The following UNC5D variants were observed in gnomAD, a reference collection of about 807,000 sequenced individuals.
UNC5D encodes the protein unc-5 netrin receptor D.
A neutral mutation model predicts 105.4 loss-of-function variants in UNC5D; 39 were observed. The observed-to-expected ratio is 0.37, with a 90% CI of 0.29 to 0.48. UNC5D has a LOEUF of 0.48. Ranked by LOEUF, UNC5D falls within the 20% of genes least tolerant of loss-of-function variation. The pLI, the probability that UNC5D is intolerant of heterozygous loss-of-function variation, is 0.98. For missense variants in UNC5D, 991 were observed against 1,202.4 expected (o/e 0.82, Z 2.60); for synonymous variants, 452 against 450.4 (o/e 1.00, Z -0.04).
chr8:35,333,562 C>A (rs1810796625), intron 1 of UNC5D, among the ~76,000 whole-genome samples: 1 of 152,116 alleles, frequency 6.6e-6, no homozygotes, highest in African/African-American at 2.4e-5. Flanking sequence ...TCACTGCAAC[C>A]TCCGCCTCCT....
At chr8:35,332,428 C>G (rs538931869) in intron 1 of UNC5D, among the ~76,000 whole-genome samples, 44 of 152,300 alleles carry the variant, frequency 2.9e-4, no homozygotes, top group Middle Eastern at 3.4e-3. Context: ...AAGCAAATAT[C>G]TTTTCCTTAT....
intron 1 of UNC5D, among the ~76,000 whole-genome samples, chr8:35,391,983 G>T (rs922527488): frequency 6.6e-6 from 1 of 152,118 alleles, no homozygotes; most frequent in African/African-American, 2.4e-5. Context: ...ATGGAGAAAT[G>T]GTATGTGTCC....
At chr8:35,619,538 C>A (rs574635031) in intron 4 of UNC5D, among the ~76,000 whole-genome samples, 1 of 152,224 alleles carries the variant, frequency 6.6e-6, no homozygotes, top group East Asian at 1.9e-4. Flanking sequence ...AGCCATTGAG[C>A]GACTTGCTTC....
rs1320502308 is a variant in UNC5D, at chr8:35,729,247, C to T, written c.1682-1765C>T. 9.9e-5 allele frequency among the ~76,000 whole-genome samples: 15 copies of T among 152,246 alleles called. No homozygotes were observed. In the East Asian group the frequency reaches 2.9e-3, roughly 29 times the overall value. ...CGCAGACAGCTCTTTCTCAATTGTC[C>T]TCACACATCTTTCTTCTGTTTTGCT... On this transcript the variant is annotated intron_variant, in intron 10 of 16. Coordinates refer to ENST00000404895, the MANE Select transcript of UNC5D (RefSeq NM_080872.4).
At chr8:35,421,789 G>T (rs1043955654) in intron 1 of UNC5D, among the ~76,000 whole-genome samples, 1 of 152,084 alleles carries the variant, frequency 6.6e-6, no homozygotes, top group Non-Finnish European at 1.5e-5. Context: ...TTCAGGTTTA[G>T]ATTACTCTTG....
chr8:35,636,682 G>A lies in UNC5D; in HGVS notation c.570+41025G>A, dbSNP rs567316595. On this transcript the variant is annotated intron_variant, in intron 4 of 16. Coordinates refer to ENST00000404895, the MANE Select transcript of UNC5D (RefSeq NM_080872.4). ...CATCACTCACAGAAAAGTGCTGGGG[G>A]ATGGGGTAGGGGAGACTCCCTCATC... is the stretch of plus-strand genomic sequence containing the variant. Among the ~76,000 whole-genome samples, 4 of 152,290 alleles carry A rather than the reference G, an allele frequency of 2.6e-5. No individual in the cohort carries two copies. In the East Asian group the frequency reaches 7.7e-4, roughly 29 times the overall value.
chr8:35,350,382 G>A (rs150939921), intron 1 of UNC5D, among the ~76,000 whole-genome samples: 14 of 152,110 alleles, frequency 9.2e-5, no homozygotes, highest in Non-Finnish European at 1.9e-4. Context: ...GTCTCCCTTA[G>A]CGTAGGTGTC....
At position 35,235,563 on chromosome 8, in the gene UNC5D, G is replaced by T; in HGVS notation, c.-222G>T. ...CTCCGGCATCCGCGCTGGCGGCAGC[G>T]GTCGCCGCGCCGTGGGAAGCTATGG... On this transcript the variant is annotated 5_prime_UTR_variant, in exon 1 of 17. Coordinates refer to ENST00000404895, the MANE Select transcript of UNC5D (RefSeq NM_080872.4). 1 of 375,230 alleles carries T rather than the reference G, an allele frequency of 2.7e-6. No homozygotes were observed. The highest frequency in any genetic ancestry group is 4.7e-6 in the Non-Finnish European group (1 of 213,314). 23.2% of individuals were successfully genotyped at this position (375,230 alleles called of 1,614,324 possible). A position where few individuals can be genotyped will look rare whatever the true frequency, so the allele number is the denominator to read the frequency against.
intron 1 of UNC5D, among the ~76,000 whole-genome samples, chr8:35,325,978 G>T (rs142950077): frequency 1.3e-5 from 2 of 152,044 alleles, no homozygotes; most frequent in Non-Finnish European, 2.9e-5. Flanking sequence ...GGCATCTTTC[G>T]GTCCTCAAGG....
chr8:35,787,326 T>C (rs756679181), intron 16 of UNC5D, among the ~76,000 whole-genome samples: 1 of 152,216 alleles, frequency 6.6e-6, no homozygotes, highest in African/African-American at 2.4e-5. Flanking sequence ...GCTGTTGTTT[T>C]TGAAACAACA....
chr8:35,487,608 AGTTT>A (rs1286216849), intron 1 of UNC5D, among the ~76,000 whole-genome samples: 1 of 147,138 alleles, frequency 6.8e-6, no homozygotes, highest in African/African-American at 2.7e-5. Flanking sequence ...ACAGACTGTT[AGTTT>A]TAGTTCTCTG....
chr8:35,726,691 A>G, intron 10 of UNC5D, 162 bp downstream of exon 10: 1 of 1,090,970 alleles, frequency 9.2e-7, no homozygotes, highest in African/African-American at 1.6e-5. Flanking sequence ...GCAAACCAGA[A>G]CCAATGCTGA....
chr8:35,386,097 A>G (rs941326839), intron 1 of UNC5D, among the ~76,000 whole-genome samples: 4 of 152,188 alleles, frequency 2.6e-5, no homozygotes, highest in African/African-American at 9.7e-5. Context: ...GCCAACATTC[A>G]TGCTTAATTT....
intron 16 of UNC5D, among the ~76,000 whole-genome samples, chr8:35,776,019 G>A (rs569475089): frequency 6.6e-6 from 1 of 152,216 alleles, no homozygotes. Context: ...GAGATGTCTT[G>A]TCTATGATCA....
At chr8:35,364,171 T>A (rs1801989100) in intron 1 of UNC5D, among the ~76,000 whole-genome samples, 2 of 152,148 alleles carry the variant, frequency 1.3e-5, no homozygotes, top group Non-Finnish European at 2.9e-5. Context: ...GTCTCAAAAA[T>A]GAACTAATTA....
At chr8:35,463,889 C>T (rs1436273956) in intron 1 of UNC5D, among the ~76,000 whole-genome samples, 1 of 151,892 alleles carries the variant, frequency 6.6e-6, no homozygotes, top group Non-Finnish European at 1.5e-5. Flanking sequence ...ACTCTGAAAC[C>T]ATTTGCTTTT....
At chr8:35,662,033 A>G (rs112458083) in intron 4 of UNC5D, among the ~76,000 whole-genome samples, 1,704 of 152,178 alleles carry the variant, frequency 0.011, 34 homozygotes, top group African/African-American at 0.039. Context: ...AAAAAATAGC[A>G]ATGGGTTGCA....
chr8:35,758,663 A>G (rs1018102730), intron 13 of UNC5D, among the ~76,000 whole-genome samples: 3 of 152,184 alleles, frequency 2.0e-5, no homozygotes, highest in African/African-American at 7.2e-5. Flanking sequence ...ATTAGATTGT[A>G]TTACGTAAAG....
chr8:35,684,689 G>A lies in UNC5D; in HGVS notation c.859G>A (p.Gly287Ser), dbSNP rs1221399494. 2 of 1,613,832 alleles carry A rather than the reference G, an allele frequency of 1.2e-6. No individual in the cohort carries two copies. Among genetic ancestry groups the A allele is most frequent in the South Asian group, 1.1e-5 (1 of 91,012 alleles). ...CTGCACCAACCCAGCTCCTCTCAATGGTGGGGCCTTTTGTGAGGGAATGTC... is the reference window on the plus strand; with the variant it reads ...CTGCACCAACCCAGCTCCTCTCAATAGTGGGGCCTTTTGTGAGGGAATGTC... The part of the protein sequence containing the change: ...RTCTNPAPLN[G>S]GAFCEGMSVQ... The change falls in exon 6 of 17, where the codon GGT (glycine) becomes AGT (serine). Residue 287 changes from glycine (G) to serine (S), a missense_variant. Coordinates refer to ENST00000404895, the MANE Select transcript of UNC5D (RefSeq NM_080872.4).
Sources: gnomAD v4.1 joint callset for allele counts (sites outside exome capture counted in the v4.1 genomes callset) on GRCh38, gnomAD v4.1.1 for gene constraint, MANE v1.5 for transcripts, NCBI Gene and HGNC (gene_info 2026-07-23, HGNC 2026-07-21) for gene names.